The following MED13L variants were observed in gnomAD, a reference collection of about 807,000 sequenced individuals.
MED13L encodes mediator of RNA polymerase II transcription subunit 13-like.
A neutral mutation model predicts 220.9 loss-of-function variants in MED13L; 7 were observed. The observed-to-expected ratio is 0.03, with a 90% confidence interval of 0.02 to 0.06. The LOEUF is 0.06. Ranked by LOEUF, MED13L falls within the 10% of genes least tolerant of loss-of-function variation. MED13L has a pLI of 1.00. For missense variants in MED13L, 1,965 were observed against 2,760.5 expected (o/e 0.71, Z 6.46); for synonymous variants, 1,011 against 1,015.2 (o/e 1.00, Z 0.08).
At chr12:116,174,349 G>C (rs1461232695) in intron 2 of MED13L, among the ~76,000 whole-genome samples, 1 of 152,130 alleles carries the variant, frequency 6.6e-6, no homozygotes, top group Non-Finnish European at 1.5e-5. Context: ...ATAATTCTAA[G>C]ACACAAACAC....
rs1879643306 is a variant in MED13L, at chr12:116,015,091, A to C, written c.1175+18T>G. ...ATGGTTACTAAACTATGATCTAGAC[A>C]TAATCGAGAAAACTTACTTGGACTG... On this transcript the variant is annotated intron_variant, in intron 8 of 30. Coordinates refer to ENST00000281928, the MANE Select transcript of MED13L (RefSeq NM_015335.5). 1.2e-6 allele frequency: 2 copies of C among 1,606,296 alleles called. No individual in the cohort carries two copies. Among genetic ancestry groups the C allele is most frequent in the Non-Finnish European group, 1.7e-6 (2 of 1,172,986 alleles).
At chr12:115,970,066 TATA>T (rs892246942) in intron 27 of MED13L, among the ~76,000 whole-genome samples, 23 of 152,342 alleles carry the variant, frequency 1.5e-4, no homozygotes, top group African/African-American at 5.3e-4. Flanking sequence ...TGGTAGGTGT[TATA>T]ATTTCTTCAA....
intron 2 of MED13L, among the ~76,000 whole-genome samples, chr12:116,153,063 GCATC>G (rs1377496497): frequency 2.6e-5 from 4 of 152,110 alleles, no homozygotes; most frequent in Non-Finnish European, 5.9e-5. Flanking sequence ...GCCTTGTTCT[GCATC>G]CAATGACAGT....
rs1340069224 is a variant in MED13L, at chr12:116,009,301, G to A, written c.1281-169C>T. ...AACACAATACACCCCAATGAAAAATGAAGAATCAATCACATACAAGTTAAG... is the reference window on the plus strand; with the variant it reads ...AACACAATACACCCCAATGAAAAATAAAGAATCAATCACATACAAGTTAAG... On this transcript the variant is annotated intron_variant, in intron 9 of 30. Coordinates refer to ENST00000281928, the MANE Select transcript of MED13L (RefSeq NM_015335.5). 2.0e-5 allele frequency among the ~76,000 whole-genome samples: 3 copies of A among 152,224 alleles called. No individual in the cohort carries two copies. In the East Asian group the frequency reaches 5.8e-4, roughly 29 times the overall value.
intron 4 of MED13L, among the ~76,000 whole-genome samples, chr12:116,077,474 T>C (rs1174219362): frequency 1.3e-5 from 2 of 152,230 alleles, no homozygotes; most frequent in African/African-American, 2.4e-5. Flanking sequence ...TTATATTCAG[T>C]TGACAGTCAT....
intron 19 of MED13L, among the ~76,000 whole-genome samples, chr12:115,985,962 T>A (rs896969926): frequency 6.6e-6 from 1 of 152,134 alleles, no homozygotes; most frequent in Non-Finnish European, 1.5e-5. Flanking sequence ...AGCCACACTT[T>A]CCCCTGGTGA....
intron 2 of MED13L, among the ~76,000 whole-genome samples, chr12:116,176,841 G>A (rs1467223786): frequency 7.5e-6 from 1 of 133,100 alleles, no homozygotes; most frequent in Non-Finnish European, 1.5e-5. Context: ...CAATGGCTCT[G>A]ACCTGTGGTA....
chr12:115,967,736 T>C (rs1302833652), intron 28 of MED13L, among the ~76,000 whole-genome samples: 1 of 152,358 alleles, frequency 6.6e-6, no homozygotes, highest in East Asian at 1.9e-4. Flanking sequence ...CTGTGGGGCA[T>C]GCATTCTTAG....
At chr12:115,974,030 G>A (rs1254855878) in intron 25 of MED13L, among the ~76,000 whole-genome samples, 1 of 151,344 alleles carries the variant, frequency 6.6e-6, no homozygotes, top group Non-Finnish European at 1.5e-5. Flanking sequence ...AATACCTGAT[G>A]TGAATTTCCT....
At chr12:116,074,374 G>A (rs777329144) in intron 4 of MED13L, among the ~76,000 whole-genome samples, 5 of 152,168 alleles carry the variant, frequency 3.3e-5, no homozygotes, top group African/African-American at 7.2e-5. Flanking sequence ...TAGCCTGGGC[G>A]ACAGAGTGAG....
At position 116,193,716 on chromosome 12, in the gene MED13L, A is replaced by G. The variant is rs1881435123; in HGVS notation, c.310+43752T>C. Reference sequence around the variant, plus strand: ...TAATAATCAGAGTCCCCAAAATCAAAGGAAAAAGCACAAAGAAATGAAAAC... The same window carrying G: ...TAATAATCAGAGTCCCCAAAATCAAGGGAAAAAGCACAAAGAAATGAAAAC... On this transcript the variant is annotated intron_variant, in intron 2 of 30. Transcript: ENST00000281928. Among the ~76,000 whole-genome samples the G allele has an allele frequency of 2.0e-5, 3 of 152,196 alleles. No individual in the cohort carries two copies. In the South Asian group the frequency reaches 6.2e-4, roughly 32 times the overall value.
intron 2 of MED13L, among the ~76,000 whole-genome samples, chr12:116,113,490 A>T (rs967633619): frequency 3.2e-4 from 48 of 148,524 alleles, no homozygotes; most frequent in Non-Finnish European, 1.6e-4. Flanking sequence ...AAAAAAAATT[A>T]TATATATATA....
In MED13L at chr12:116,005,387, A is replaced by G. The variant is rs531795529; in HGVS notation, c.2469+482T>C. On this transcript the variant is annotated intron_variant, in intron 13 of 30. Coordinates refer to ENST00000281928, the MANE Select transcript of MED13L (RefSeq NM_015335.5). ...GCCTTGTAGTATTTAACTTCTATGTATATAAATTCTATTCCCCTACAATGA... is the reference window on the plus strand; with the variant it reads ...GCCTTGTAGTATTTAACTTCTATGTGTATAAATTCTATTCCCCTACAATGA... Among the ~76,000 whole-genome samples the G allele has an allele frequency of 1.5e-3, 232 of 152,324 alleles. 2 individuals carry two copies. Among genetic ancestry groups the G allele is most frequent in the African/African-American group, 5.3e-3 (220 of 41,584 alleles).
At chr12:116,009,292 A>G (rs1879248261) in intron 9 of MED13L, 160 bp from the exon 10 acceptor site, 2 of 682,828 alleles carry the variant, frequency 2.9e-6, no homozygotes, top group South Asian at 1.9e-5. Context: ...ATACACCCCA[A>G]TGAAAAATGA....
At chr12:116,070,659 T>C (rs1383309579) in intron 4 of MED13L, among the ~76,000 whole-genome samples, 2 of 152,154 alleles carry the variant, frequency 1.3e-5, no homozygotes, top group East Asian at 3.8e-4. Flanking sequence ...CCCAGAATAA[T>C]ATACAAGCAT....
At chr12:116,017,806 G>A (rs1348728419) in intron 7 of MED13L, among the ~76,000 whole-genome samples, 1 of 152,064 alleles carries the variant, frequency 6.6e-6, no homozygotes, top group Non-Finnish European at 1.5e-5. Context: ...TGTAGAAACA[G>A]GATTCCACCA....
chr12:115,975,060 A>C, intron 25 of MED13L, 111 bp downstream of exon 25: 1 of 1,109,326 alleles, frequency 9.0e-7, no homozygotes, highest in Non-Finnish European at 1.3e-6. Context: ...CATAAAATAG[A>C]ATCTGTTTAA....
chr12:116,257,567 A>G (rs573282128), intron 1 of MED13L, among the ~76,000 whole-genome samples: 2 of 152,328 alleles, frequency 1.3e-5, no homozygotes, highest in South Asian at 4.1e-4. Context: ...AGACAGAAAG[A>G]GCCCAGATCC....
Position 115,961,143 on chromosome 12 carries a change from G to C in MED13L, c.*123C>G. 2.4e-6 allele frequency: 3 copies of C among 1,274,980 alleles called. No homozygotes were observed. The highest frequency in any genetic ancestry group is 3.4e-6 in the Non-Finnish European group (3 of 884,148). The allele number at this position is 1,274,980 out of a possible 1,614,324, so 79.0% of individuals were successfully genotyped here. ...ATGTGCCTGCTGAGAAGGAATCACA[G>C]TGCAGGACTGTGGAGAGTGGTCTGA... is the stretch of plus-strand genomic sequence containing the variant. On this transcript the variant is annotated 3_prime_UTR_variant, in exon 31 of 31. Coordinates refer to ENST00000281928, the MANE Select transcript of MED13L (RefSeq NM_015335.5).
Sources: gnomAD v4.1 joint callset for allele counts (sites outside exome capture counted in the v4.1 genomes callset) on GRCh38, gnomAD v4.1.1 for gene constraint, MANE v1.5 for transcripts, NCBI Gene and HGNC (gene_info 2026-07-23, HGNC 2026-07-21) for gene names.